The following BACH2 variants were observed in gnomAD, a reference collection of about 807,000 sequenced individuals.
BACH2 encodes transcription regulator protein BACH2.
In BACH2, 5 loss-of-function variants were observed where a neutral mutation model predicts 61.8. That is an observed-to-expected ratio of 0.08 (90% CI 0.04 to 0.17). The LOEUF (loss-of-function observed/expected upper bound fraction) is 0.17, where lower values mean the gene tolerates loss of function less well. Ranked by LOEUF, BACH2 falls within the 10% of genes least tolerant of loss-of-function variation. The probability of loss-of-function intolerance (pLI) is 1.00; values close to 1 mark genes in which losing one functional copy is unlikely to be tolerated. For missense variants in BACH2, 824 were observed against 1,091.1 expected (o/e 0.76, Z 3.45); for synonymous variants, 446 against 440.1 (o/e 1.01, Z -0.17).
intron 5 of BACH2, among the ~76,000 whole-genome samples, chr6:90,050,267 A>G (rs1032175859): frequency 2.0e-5 from 3 of 152,244 alleles, no homozygotes; most frequent in Admixed American, 1.3e-4. Flanking sequence ...TTTGATGTGC[A>G]AGGCAGAGTA....
chr6:89,961,143 A>G (rs1237094842), intron 6 of BACH2, among the ~76,000 whole-genome samples: 3 of 152,198 alleles, frequency 2.0e-5, no homozygotes, highest in African/African-American at 7.2e-5. Flanking sequence ...CATATATGAT[A>G]CAGATACAAG....
intron 6 of BACH2, among the ~76,000 whole-genome samples, chr6:89,980,061 G>A (rs1212698710): frequency 2.0e-5 from 3 of 152,190 alleles, no homozygotes; most frequent in Admixed American, 1.3e-4. Context: ...GGGAGGCTGA[G>A]GTAGGCGGAT....
chr6:90,026,607 T>A (rs1459310443), intron 5 of BACH2, among the ~76,000 whole-genome samples: 1 of 152,152 alleles, frequency 6.6e-6, no homozygotes, highest in East Asian at 1.9e-4. Flanking sequence ...GGGGGTTACC[T>A]CCAGACACAC....
chr6:89,926,776 A>G lies in BACH2; in HGVS notation c.*5632T>C, dbSNP rs535660013. The G allele has an allele frequency of 6.5e-6, 1 of 152,836 alleles. No individual in the cohort carries two copies. Among genetic ancestry groups the G allele is most frequent in the East Asian group, 1.9e-4 (1 of 5,328 alleles). 9.5% of individuals were successfully genotyped at this position (152,836 alleles called of 1,614,324 possible). On this transcript the variant is annotated 3_prime_UTR_variant, in exon 9 of 9. Coordinates refer to ENST00000257749, the MANE Select transcript of BACH2 (RefSeq NM_021813.4). ...ATTTTTTACAATAAAAACCACGAGA[A>G]AAACCACAATCACTTAGAAAAAAAT...
At chr6:90,240,568 C>G (rs757891143) in intron 3 of BACH2, among the ~76,000 whole-genome samples, 1 of 152,146 alleles carries the variant, frequency 6.6e-6, no homozygotes, top group Non-Finnish European at 1.5e-5. Flanking sequence ...AATGGGAATT[C>G]TTCCTCATAA....
chr6:90,178,935 G>A (rs1307586245), intron 4 of BACH2, among the ~76,000 whole-genome samples: 3 of 152,180 alleles, frequency 2.0e-5, no homozygotes, highest in Non-Finnish European at 4.4e-5. Flanking sequence ...GCACATGTAG[G>A]TACTGAGCCT....
intron 5 of BACH2, among the ~76,000 whole-genome samples, chr6:90,087,687 G>A (rs912111727): frequency 2.0e-5 from 3 of 151,808 alleles, no homozygotes; most frequent in Non-Finnish European, 4.4e-5. Flanking sequence ...TTGCTGGCTT[G>A]AGTTACTCAT....
intron 6 of BACH2, among the ~76,000 whole-genome samples, chr6:89,961,741 T>C (rs991792474): frequency 6.6e-6 from 1 of 152,212 alleles, no homozygotes. Flanking sequence ...TTCTTGTTAC[T>C]CTCCTCTGAA....
intron 4 of BACH2, among the ~76,000 whole-genome samples, chr6:90,161,890 T>C (rs1420791990): frequency 6.6e-6 from 1 of 152,186 alleles, no homozygotes. Context: ...GTTATAGGTC[T>C]GAAAATGTGT....
intron 2 of BACH2, among the ~76,000 whole-genome samples, chr6:90,265,661 T>C (rs1466172988): frequency 6.6e-6 from 1 of 152,190 alleles, no homozygotes; most frequent in African/African-American, 2.4e-5. Context: ...TGGATGGCAT[T>C]TTCCCAATGA....
chr6:90,200,053 G>A (rs1436362219), intron 4 of BACH2, among the ~76,000 whole-genome samples: 2 of 152,290 alleles, frequency 1.3e-5, no homozygotes, highest in East Asian at 1.9e-4. Flanking sequence ...CCATACTGGA[G>A]GTTAAACCCA....
intron 7 of BACH2, among the ~76,000 whole-genome samples, chr6:89,948,603 T>A (rs1195078977): frequency 2.0e-5 from 3 of 152,192 alleles, no homozygotes; most frequent in African/African-American, 7.2e-5. Flanking sequence ...ATGATGCGGA[T>A]GAGGTGGACG....
intron 4 of BACH2, among the ~76,000 whole-genome samples, chr6:90,118,334 G>C (rs1330891530): frequency 6.6e-6 from 1 of 152,124 alleles, no homozygotes; most frequent in Non-Finnish European, 1.5e-5. Flanking sequence ...AAAGGATCTT[G>C]ATACTCCACA....
chr6:90,072,357 G>A (rs74718851), intron 5 of BACH2, among the ~76,000 whole-genome samples: 4,665 of 152,260 alleles, frequency 0.031, 246 homozygotes, highest in African/African-American at 0.11. Context: ...GCCACAGGCT[G>A]GACCACAGTG....
chr6:90,289,542 G>A (rs1334655829), intron 1 of BACH2, among the ~76,000 whole-genome samples: 6 of 152,164 alleles, frequency 3.9e-5, no homozygotes, highest in Admixed American at 1.3e-4. Flanking sequence ...TAAATAAGAC[G>A]TGTCCAATCT....
At chr6:89,980,434 C>A (rs985946363) in intron 6 of BACH2, among the ~76,000 whole-genome samples, 2 of 152,150 alleles carry the variant, frequency 1.3e-5, no homozygotes, top group African/African-American at 4.8e-5. Context: ...CAGAAAAGTG[C>A]ATTATAAGTA....
intron 5 of BACH2, among the ~76,000 whole-genome samples, chr6:90,034,310 A>G (rs1247690943): frequency 1.3e-5 from 2 of 152,136 alleles, no homozygotes; most frequent in Non-Finnish European, 2.9e-5. Context: ...CTTTCTCTTA[A>G]GGCAACATGA....
At chr6:90,141,249 C>T (rs535433082) in intron 4 of BACH2, among the ~76,000 whole-genome samples, 4 of 152,276 alleles carry the variant, frequency 2.6e-5, no homozygotes, top group South Asian at 4.1e-4. Flanking sequence ...GGCGTGATCT[C>T]GGCTCACTGC....
intron 6 of BACH2, among the ~76,000 whole-genome samples, chr6:89,972,178 C>T (rs1419953705): frequency 6.6e-6 from 1 of 152,086 alleles, no homozygotes; most frequent in Non-Finnish European, 1.5e-5. Context: ...GAAGGTCCTT[C>T]CGTGTCCGCC....
Sources: allele counts gnomAD v4.1 joint callset (sites outside exome capture counted in the v4.1 genomes callset), GRCh38; gene constraint gnomAD v4.1.1; transcripts MANE v1.5; gene names NCBI Gene and HGNC (gene_info 2026-07-23, HGNC 2026-07-21).